CLCN6: variants seen among roughly 807,000 people sequenced by gnomAD.
CLCN6 encodes Cl-/H+ antiporter 6, also known as H(+)/Cl(-) exchange transporter 6.
Under a neutral mutation model 109.8 loss-of-function variants are expected in CLCN6, and 70 were observed. The ratio of observed to expected loss-of-function variants is 0.64; its 90% CI spans 0.53 to 0.78. CLCN6 has a LOEUF of 0.78. Ranked by LOEUF, CLCN6 falls within the 30% of genes least tolerant of loss-of-function variation. The pLI is 0.00. For synonymous variants in CLCN6, 444 were observed against 447.8 expected, an observed-to-expected ratio of 0.99 and a Z score of 0.11; for missense variants, 984 against 1,142.3, an observed-to-expected ratio of 0.86 and a Z score of 2.00.
intron 9 of CLCN6, 64 bp downstream of exon 9, chr1:11,826,278 A>G: frequency 7.7e-7 from 1 of 1,302,292 alleles, no homozygotes; most frequent in Admixed American, 1.7e-5. Context: ...TGCGGGTCAG[A>G]CTCGACACTT....
At chr1:11,838,984 C>T in intron 22 of CLCN6, 1 of 682,200 alleles carries the variant, frequency 1.5e-6, no homozygotes, top group Non-Finnish European at 2.8e-6. Flanking sequence ...GGGATTTGCG[C>T]ATTAGATGAG....
intron 4 of CLCN6, among the ~76,000 whole-genome samples, chr1:11,817,990 G>A (rs1032155552): frequency 7.9e-5 from 12 of 151,962 alleles, no homozygotes; most frequent in African/African-American, 2.2e-4. Context: ...GGCCAGGGAC[G>A]GTGGCTCACA....
intron 3 of CLCN6, 108 bp downstream of exon 3, chr1:11,816,019 C>G: frequency 1.2e-6 from 1 of 825,922 alleles, no homozygotes; most frequent in Non-Finnish European, 2.1e-6. Flanking sequence ...TTTTTTGAAC[C>G]TTTTCATGCG....
rs1034613362 is a variant in CLCN6, at chr1:11,841,267, A to G, written c.*1044A>G. The G allele has an allele frequency of 7.2e-5, 11 of 152,552 alleles. No individual in the cohort carries two copies. The highest frequency in any genetic ancestry group is 2.7e-4 in the African/African-American group (11 of 41,408). 9.4% of individuals were successfully genotyped at this position (152,552 alleles called of 1,614,324 possible). A position where few individuals can be genotyped will look rare whatever the true frequency, so the allele number is the denominator to read the frequency against. ...GGAAGAGGGTGTCTGCCCTTCACAA[A>G]CACCTCTCTCTCCCCTGCACTAGCT... is the stretch of plus-strand genomic sequence containing the variant. On this transcript the variant is annotated 3_prime_UTR_variant, in exon 23 of 23. Transcript: ENST00000346436.
At chr1:11,816,742 C>G (rs1343267272) in intron 4 of CLCN6, 62 bp downstream of exon 4, 1 of 1,261,128 alleles carries the variant, frequency 7.9e-7, no homozygotes, top group Non-Finnish European at 1.1e-6. Flanking sequence ...ACAGGGAAAG[C>G]CCTGGCCTGG....
intron 2 of CLCN6, among the ~76,000 whole-genome samples, chr1:11,812,871 T>G (rs1042614689): frequency 6.6e-6 from 1 of 152,188 alleles, no homozygotes; most frequent in Non-Finnish European, 1.5e-5. Context: ...AACACAGTTG[T>G]CTTTGATCCC....
At chr1:11,829,116 G>T in intron 12 of CLCN6, 80 bp from the exon 13 acceptor site, 1 of 1,545,020 alleles carries the variant, frequency 6.5e-7, no homozygotes, top group South Asian at 1.2e-5. Context: ...CGGGGCTGGG[G>T]GTAGGCAGGG....
At chr1:11,830,147 T>C (rs41275488) in intron 13 of CLCN6, 15,029 of 152,262 alleles carry the variant, frequency 0.099, 800 homozygotes, top group South Asian at 0.16. Flanking sequence ...AGTGGTCCCA[T>C]GAGGTAGTCC....
intron 8 of CLCN6, 131 bp downstream of exon 8, chr1:11,824,684 C>T: frequency 1.7e-6 from 1 of 581,066 alleles, no homozygotes; most frequent in Admixed American, 3.5e-5. Flanking sequence ...ACGTGTAAAC[C>T]ATGTGTCTAT....
chr1:11,828,672 C>A, intron 12 of CLCN6, 48 bp downstream of exon 12: 1 of 1,552,040 alleles, frequency 6.4e-7, no homozygotes, highest in South Asian at 1.2e-5. Context: ...GCTCCCTGAG[C>A]TTGGTGTGGG....
chr1:11,806,284 C>G lies in CLCN6; in HGVS notation c.22C>G (p.Leu8Val), dbSNP rs150143694. Residue 8 changes from leucine (L) to valine (V), a missense_variant, in exon 1 of 23, where the codon CTG becomes GTG. Transcript: ENST00000346436. MAGCRGS[L>V]CCCCRWCCCC... ...GAAGATGGCGGGGTGCAGGGGGTCT[C>G]TGTGCTGCTGCTGCAGGTGGTGCTG... 176 of 1,502,306 alleles carry G rather than the reference C, an allele frequency of 1.2e-4. No individual in the cohort carries two copies. Among genetic ancestry groups the G allele is most frequent in the Non-Finnish European group, 1.4e-4 (163 of 1,135,992 alleles). 93.1% of individuals were successfully genotyped at this position (1,502,306 alleles called of 1,614,324 possible).
intron 5 of CLCN6, among the ~76,000 whole-genome samples, chr1:11,821,850 A>G (rs1644747894): frequency 6.6e-6 from 1 of 152,178 alleles, no homozygotes. Flanking sequence ...CATTTTAGAC[A>G]TCATGTCATT....
At chr1:11,835,738 G>A (rs55857306) in intron 17 of CLCN6, among the ~76,000 whole-genome samples, 20,613 of 152,194 alleles carry the variant, frequency 0.14, 1,515 homozygotes, top group South Asian at 0.2. Context: ...GGATGAGCCC[G>A]AGCCCATCAG....
intron 13 of CLCN6, among the ~76,000 whole-genome samples, chr1:11,830,839 GT>G (rs757953898): frequency 7.2e-6 from 1 of 138,750 alleles, no homozygotes; most frequent in South Asian, 2.3e-4. Flanking sequence ...ATTTCTGTTT[GT>G]TTTGTTTTTT....
At position 11,807,114 on chromosome 1, in the gene CLCN6, C is replaced by T. The variant is rs369972988; in HGVS notation, c.88-17C>T. 1.9e-5 allele frequency: 31 copies of T among 1,612,940 alleles called. No individual in the cohort carries two copies. In the African/African-American group the frequency reaches 2.5e-4, roughly 13 times the overall value. ...TAACCACTAAAAAAGGCTCCCTCTG[C>T]GGATCTGTTTTTCTAGACCATCCTT... is the stretch of plus-strand genomic sequence containing the variant. On this transcript the variant is annotated splice_polypyrimidine_tract_variant and intron_variant, in intron 1 of 22. Coordinates refer to ENST00000346436, the MANE Select transcript of CLCN6 (RefSeq NM_001286.5).
intron 8 of CLCN6, 150 bp from the exon 9 acceptor site, chr1:11,826,006 G>A (rs1644806216): frequency 1.7e-6 from 1 of 597,452 alleles, no homozygotes; most frequent in South Asian, 2.2e-5. Context: ...CAAGCAGAGG[G>A]GCCTCCCCTG....
At chr1:11,827,738 G>A (rs368439978) in intron 10 of CLCN6, among the ~76,000 whole-genome samples, 3 of 152,192 alleles carry the variant, frequency 2.0e-5, no homozygotes, top group African/African-American at 7.2e-5. Context: ...CACCTGACAT[G>A]AAAATGTGAA....
At chr1:11,837,588 T>C in intron 20 of CLCN6, 89 bp downstream of exon 20, 2 of 1,329,952 alleles carry the variant, frequency 1.5e-6, no homozygotes, top group Admixed American at 2.0e-5. Flanking sequence ...AACAGTGCCA[T>C]AGGGAAAGCT....
intron 13 of CLCN6, among the ~76,000 whole-genome samples, chr1:11,830,882 G>A (rs541687333): frequency 1.3e-5 from 2 of 151,532 alleles, no homozygotes; most frequent in Admixed American, 6.6e-5. Flanking sequence ...TACCCAGGCC[G>A]GAGTGCAGTG....
Sources: gnomAD v4.1 joint callset for allele counts (sites outside exome capture counted in the v4.1 genomes callset) on GRCh38, gnomAD v4.1.1 for gene constraint, MANE v1.5 for transcripts, NCBI Gene and HGNC (gene_info 2026-07-23, HGNC 2026-07-21) for gene names.